Variants in DNM3 observed in about 807,000 individuals in gnomAD.
DNM3 encodes the protein dynamin 3.
DNM3 carries 47 observed loss-of-function variants against 101.6 expected under a neutral mutation model. The ratio of observed to expected loss-of-function variants is 0.46; its 90% CI spans 0.37 to 0.59. The LOEUF (loss-of-function observed/expected upper bound fraction) is 0.59, where lower values mean the gene tolerates loss of function less well. Ranked by LOEUF, DNM3 falls within the 20% of genes least tolerant of loss-of-function variation. The pLI is 0.00. For synonymous variants in DNM3, 385 were observed against 387.9 expected (o/e 0.99, Z 0.09); for missense variants, 849 against 1,085.7 (o/e 0.78, Z 3.06).
chr1:171,930,762 G>T (rs1378259471), intron 2 of DNM3, among the ~76,000 whole-genome samples: 1 of 152,164 alleles, frequency 6.6e-6, no homozygotes, highest in Non-Finnish European at 1.5e-5. Flanking sequence ...CAAGTACTTG[G>T]ATGTTTCAGT....
chr1:172,136,620 A>G (rs948943007), intron 14 of DNM3: 1 of 152,172 alleles, frequency 6.6e-6, no homozygotes, highest in African/African-American at 2.4e-5. Context: ...TTCTTTTTTA[A>G]TATAGGATTA....
At chr1:171,874,363 T>TA (rs1010368661) in intron 1 of DNM3, among the ~76,000 whole-genome samples, 1 of 152,200 alleles carries the variant, frequency 6.6e-6, no homozygotes. Flanking sequence ...CAGCAGTTTT[T>TA]ATAGTTAAAT....
At chr1:172,124,062 T>C (rs2056477752) in intron 13 of DNM3, among the ~76,000 whole-genome samples, 1 of 152,204 alleles carries the variant, frequency 6.6e-6, no homozygotes, top group Non-Finnish European at 1.5e-5. Flanking sequence ...TCCTTATTTC[T>C]TGTTTCAAAT....
intron 1 of DNM3, among the ~76,000 whole-genome samples, chr1:171,886,838 A>T (rs577933140): frequency 5.9e-5 from 9 of 152,284 alleles, no homozygotes; most frequent in South Asian, 2.1e-4. Flanking sequence ...CAATGCACAC[A>T]GCTCTCTTAA....
At position 171,930,161 on chromosome 1, in the gene DNM3, C is replaced by T. The variant is rs1453735254; in HGVS notation, c.235+8340C>T. ...CTGTGCTGGGAGATCCCTTCTGCCC[C>T]TGGTCAGTTTGAACTCTCCAAAGTC... On this transcript the variant is annotated intron_variant, in intron 2 of 20. Coordinates refer to ENST00000627582, the MANE Select transcript of DNM3 (RefSeq NM_015569.5). Among the ~76,000 whole-genome samples, 5 of 152,216 alleles carry T rather than the reference C, an allele frequency of 3.3e-5. No individual in the cohort carries two copies. The East Asian group carries it at 9.7e-4, about 29-fold the overall frequency.
At chr1:172,092,221 T>G (rs2053959689) in intron 12 of DNM3, among the ~76,000 whole-genome samples, 1 of 152,206 alleles carries the variant, frequency 6.6e-6, no homozygotes, top group African/African-American at 2.4e-5. Flanking sequence ...TATTTGGATC[T>G]ACATGGCAGA....
Position 172,239,798 on chromosome 1 carries a change from C to CTTTTTTTTTTTTTTTTTTT in DNM3, c.1660-13774_1660-13773insTTTTTTTTTTTTTTTTTTT, listed in dbSNP as rs369238528. On this transcript the variant is annotated intron_variant, in intron 14 of 20. Transcript: ENST00000627582. ...TTTCTCCAGCCCTGTCTTTTTTTTT[C>CTTTTTTTTTTTTTTTTTTT]TCTTTTTTTTTTTTTTTTTTTTGTA... is the stretch of plus-strand genomic sequence containing the variant. Among the ~76,000 whole-genome samples the CTTTTTTTTTTTTTTTTTTT allele has an allele frequency of 7.4e-4, 79 of 106,874 alleles. 7 individuals are homozygous for CTTTTTTTTTTTTTTTTTTT. The highest frequency in any genetic ancestry group is 1.5e-3 in the African/African-American group (42 of 28,180). 70.1% of individuals were successfully genotyped at this position (106,874 alleles called of 152,430 possible).
At chr1:172,290,607 A>G (rs1424048438) in intron 15 of DNM3, among the ~76,000 whole-genome samples, 1 of 152,172 alleles carries the variant, frequency 6.6e-6, no homozygotes, top group Non-Finnish European at 1.5e-5. Context: ...GTGATAAAAT[A>G]TACAATCTCT....
intron 14 of DNM3, among the ~76,000 whole-genome samples, chr1:172,194,136 A>T (rs906277675): frequency 4.6e-5 from 7 of 152,142 alleles, no homozygotes; most frequent in African/African-American, 1.7e-4. Context: ...GTCATTCAGG[A>T]GCAGGTTGTT....
At chr1:172,391,982 C>T (rs143885773) in intron 20 of DNM3, among the ~76,000 whole-genome samples, 7 of 152,270 alleles carry the variant, frequency 4.6e-5, no homozygotes, top group East Asian at 3.9e-4. Flanking sequence ...TTTATGTTAA[C>T]GCCATTCAAA....
intron 14 of DNM3, among the ~76,000 whole-genome samples, chr1:172,186,139 G>T (rs2059515141): frequency 6.6e-6 from 1 of 152,074 alleles, no homozygotes. Context: ...GAGTTTGGGG[G>T]ATGACAGAAC....
At position 172,191,090 on chromosome 1, in the gene DNM3, C is replaced by G. The variant is rs191278784; in HGVS notation, c.1659+59802C>G. ...GTTGTTTTAGTCATGAAGTCCTTGCCCATGCCTATGTCCTGAATGGTATTG... is the reference window on the plus strand; with the variant it reads ...GTTGTTTTAGTCATGAAGTCCTTGCGCATGCCTATGTCCTGAATGGTATTG... On this transcript the variant is annotated intron_variant, in intron 14 of 20. Transcript: ENST00000627582. Among the ~76,000 whole-genome samples, 18 of 152,130 alleles carry G rather than the reference C, an allele frequency of 1.2e-4. No individual in the cohort carries two copies. In the East Asian group the frequency reaches 3.5e-3, roughly 29 times the overall value.
At chr1:172,304,605 T>C (rs952212437) in intron 15 of DNM3, among the ~76,000 whole-genome samples, 1 of 152,164 alleles carries the variant, frequency 6.6e-6, no homozygotes, top group African/African-American at 2.4e-5. Flanking sequence ...ACATCCCACT[T>C]ATTCCAAAGT....
chr1:172,370,062 G>A (rs2068243466), intron 17 of DNM3: 1 of 151,840 alleles, frequency 6.6e-6, no homozygotes, highest in African/African-American at 2.4e-5. Flanking sequence ...TCTCAATATA[G>A]TCACATTCTG....
intron 15 of DNM3, among the ~76,000 whole-genome samples, chr1:172,263,251 A>G (rs1390804097): frequency 3.9e-5 from 6 of 152,192 alleles, no homozygotes; most frequent in Non-Finnish European, 5.9e-5. Flanking sequence ...GATTAGAGAG[A>G]AATAGCAATA....
At chr1:171,985,566 A>G (rs985427419) in intron 2 of DNM3, among the ~76,000 whole-genome samples, 1 of 152,200 alleles carries the variant, frequency 6.6e-6, no homozygotes, top group Non-Finnish European at 1.5e-5. Context: ...CATTAGAGGA[A>G]TGAGCTTTCG....
chr1:171,903,466 A>G (rs2038555344), intron 1 of DNM3, among the ~76,000 whole-genome samples: 2 of 152,204 alleles, frequency 1.3e-5, no homozygotes, highest in South Asian at 4.1e-4. Flanking sequence ...TCCACGTTAC[A>G]ATTTTTAGAG....
intron 13 of DNM3, among the ~76,000 whole-genome samples, chr1:172,130,624 T>C (rs2056885667): frequency 6.6e-6 from 1 of 152,200 alleles, no homozygotes; most frequent in Admixed American, 6.5e-5. Flanking sequence ...CTCCAAACTT[T>C]TCATTTTAGT....
At chr1:172,095,966 G>A (rs2054219145) in intron 13 of DNM3, among the ~76,000 whole-genome samples, 1 of 152,168 alleles carries the variant, frequency 6.6e-6, no homozygotes, top group Non-Finnish European at 1.5e-5. Flanking sequence ...GTCAAAATGT[G>A]TGGTGGGTGT....
Sources: allele counts gnomAD v4.1 joint callset (sites outside exome capture counted in the v4.1 genomes callset), GRCh38; gene constraint gnomAD v4.1.1; transcripts MANE v1.5; gene names NCBI Gene and HGNC (gene_info 2026-07-23, HGNC 2026-07-21).